The following SLC44A1 variants were observed in gnomAD, a reference collection of about 807,000 sequenced individuals.
The protein encoded by SLC44A1 is solute carrier family 44 member 1, also known as choline transporter-like protein 1.
Under a neutral mutation model 79.3 loss-of-function variants are expected in SLC44A1, and 26 were observed. That is an observed-to-expected ratio of 0.33 (90% CI 0.24 to 0.46). The LOEUF is 0.46. Among genes scored for constraint, SLC44A1 ranks in the 20% least tolerant of loss-of-function variants. SLC44A1 has a pLI of 1.00. For synonymous variants in SLC44A1, 263 were observed against 286.2 expected (o/e 0.92, Z 0.82); for missense variants, 688 against 798.1 (o/e 0.86, Z 1.66).
At chr9:105,342,189 C>G (rs1827114594) in intron 4 of SLC44A1, among the ~76,000 whole-genome samples, 1 of 152,190 alleles carries the variant, frequency 6.6e-6, no homozygotes, top group African/African-American at 2.4e-5. Flanking sequence ...CAATTGCAGT[C>G]TGAAAATATT....
At chr9:105,347,574 A>C (rs1827278764) in intron 4 of SLC44A1, among the ~76,000 whole-genome samples, 1 of 152,034 alleles carries the variant, frequency 6.6e-6, no homozygotes, top group Non-Finnish European at 1.5e-5. Flanking sequence ...GTTATAGTAA[A>C]TTATATAACA....
chr9:105,315,340 A>G (rs960288617), intron 3 of SLC44A1, among the ~76,000 whole-genome samples: 4 of 148,960 alleles, frequency 2.7e-5, no homozygotes, highest in African/African-American at 5.1e-5. Context: ...TCAAATTGAT[A>G]GTAGGGTTTT....
intron 1 of SLC44A1, among the ~76,000 whole-genome samples, chr9:105,246,316 G>C (rs896893781): frequency 7.3e-5 from 11 of 151,652 alleles, no homozygotes; most frequent in African/African-American, 2.7e-4. Flanking sequence ...AATTGCAGAT[G>C]AATGGGGGAC....
At chr9:105,253,596 T>G (rs867409627) in intron 1 of SLC44A1, among the ~76,000 whole-genome samples, 5 of 152,072 alleles carry the variant, frequency 3.3e-5, no homozygotes, top group African/African-American at 9.7e-5. Context: ...CCAGGTATGG[T>G]GTCGTGTGCT....
chr9:105,299,444 T>C (rs1830818691), intron 2 of SLC44A1, 135 bp downstream of exon 2: 8 of 578,052 alleles, frequency 1.4e-5, no homozygotes, highest in Non-Finnish European at 2.2e-5. Flanking sequence ...ACTCTTGATT[T>C]GTTTTTCTAC....
intron 1 of SLC44A1, among the ~76,000 whole-genome samples, chr9:105,273,280 C>G (rs1830119642): frequency 6.6e-6 from 1 of 152,204 alleles, no homozygotes; most frequent in Non-Finnish European, 1.5e-5. Context: ...GCATGGGCCA[C>G]TGCGCCCAGC....
In SLC44A1 at chr9:105,396,520, A is replaced by T. The variant is rs543522823; in HGVS notation, c.*7464A>T. ...CTAGAATAATAAGGCGGCCAAATTTAAAGATCAGTCAATACAGTAGGGACC... is the reference window on the plus strand; with the variant it reads ...CTAGAATAATAAGGCGGCCAAATTTTAAGATCAGTCAATACAGTAGGGACC... On this transcript the variant is annotated 3_prime_UTR_variant, in exon 16 of 16. Coordinates refer to ENST00000374720, the MANE Select transcript of SLC44A1 (RefSeq NM_080546.5). 2.0e-6 allele frequency: 2 copies of T among 985,440 alleles called. No individual in the cohort carries two copies. Among genetic ancestry groups the T allele is most frequent in the African/African-American group, 3.5e-5 (2 of 57,360 alleles). The allele number at this position is 985,440 out of a possible 1,614,324, so 61.0% of individuals were successfully genotyped here.
intron 5 of SLC44A1, among the ~76,000 whole-genome samples, chr9:105,349,443 A>G (rs1827337563): frequency 6.6e-6 from 1 of 152,256 alleles, no homozygotes; most frequent in South Asian, 2.1e-4. Flanking sequence ...GAAAAAAGAT[A>G]TATCAGTTAA....
Position 105,391,935 on chromosome 9 carries a change from G to A in SLC44A1, c.*2879G>A, listed in dbSNP as rs956175935. ...CTATTGTCAATTGTAGTAGTGACCAGAGTATCGTGGTTTTTGCCATCAGAT... is the reference window on the plus strand; with the variant it reads ...CTATTGTCAATTGTAGTAGTGACCAAAGTATCGTGGTTTTTGCCATCAGAT... On this transcript the variant is annotated 3_prime_UTR_variant, in exon 16 of 16. Coordinates refer to ENST00000374720, the MANE Select transcript of SLC44A1 (RefSeq NM_080546.5). 2 of 985,112 alleles carry A rather than the reference G, an allele frequency of 2.0e-6. No individual in the cohort carries two copies. Among genetic ancestry groups the A allele is most frequent in the African/African-American group, 3.5e-5 (2 of 57,222 alleles). 61.0% of individuals were successfully genotyped at this position (985,112 alleles called of 1,614,324 possible). A position where few individuals can be genotyped will look rare whatever the true frequency, so the allele number is the denominator to read the frequency against.
At chr9:105,397,959 A>G (rs1828907495), downstream of SLC44A1, among the ~76,000 whole-genome samples, 5 of 151,522 alleles carry the variant, frequency 3.3e-5, no homozygotes, top group Admixed American at 2.6e-4. Flanking sequence ...GAAAAAAAAA[A>G]AAAAGAAAAA....
chr9:105,361,054 T>C (rs1827763215), intron 7 of SLC44A1, 137 bp from the exon 8 acceptor site: 1 of 810,716 alleles, frequency 1.2e-6, no homozygotes, highest in East Asian at 2.6e-5. Context: ...GTTATAGCTA[T>C]GTACTTCCCA....
At chr9:105,317,228 G>T (rs376512214) in intron 3 of SLC44A1, among the ~76,000 whole-genome samples, 1 of 152,166 alleles carries the variant, frequency 6.6e-6, no homozygotes, top group African/African-American at 2.4e-5. Flanking sequence ...TCTCAGTCTT[G>T]AATCTCTCTG....
chr9:105,364,497 C>A (rs1033765759), intron 9 of SLC44A1, 58 bp from the exon 10 acceptor site: 1 of 1,488,312 alleles, frequency 6.7e-7, no homozygotes, highest in Non-Finnish European at 9.2e-7. Flanking sequence ...ACTTAACTGC[C>A]GTATTTCTGG....
At chr9:105,280,493 T>C (rs894951340) in intron 1 of SLC44A1, among the ~76,000 whole-genome samples, 2 of 152,214 alleles carry the variant, frequency 1.3e-5, no homozygotes, top group Admixed American at 1.3e-4. Context: ...ACATAGACCA[T>C]AGTATAAATA....
Position 105,394,777 on chromosome 9 carries a change from T to C in SLC44A1, c.*5721T>C. The C allele has an allele frequency of 3.0e-6, 3 of 985,424 alleles. No homozygotes were observed. The highest frequency in any genetic ancestry group is 3.6e-6 in the Non-Finnish European group (3 of 829,934). The allele number at this position is 985,424 out of a possible 1,614,324, so 61.0% of individuals were successfully genotyped here. ...GGTAGAAAGTTGGAGGAGCAGATGC[T>C]GAAGGTAGAAATGCAAAAGATGTTT... On this transcript the variant is annotated 3_prime_UTR_variant, in exon 16 of 16. Transcript: ENST00000374720.
chr9:105,437,889 T>C (rs968838992), intron 15 of SLC44A1, among the ~76,000 whole-genome samples: 8 of 152,210 alleles, frequency 5.3e-5, no homozygotes, highest in Non-Finnish European at 1.0e-4. Context: ...AACCTCTTTG[T>C]CAAAGAACAA....
intron 2 of SLC44A1, among the ~76,000 whole-genome samples, chr9:105,300,776 A>C (rs965083984): frequency 4.9e-5 from 7 of 143,242 alleles, no homozygotes; most frequent in Admixed American, 1.4e-4. Flanking sequence ...TGGAGAAAAA[A>C]AATTTTTTTT....
intron 4 of SLC44A1, among the ~76,000 whole-genome samples, chr9:105,337,977 A>T (rs1476138098): frequency 1.3e-5 from 2 of 152,222 alleles, no homozygotes; most frequent in African/African-American, 4.8e-5. Flanking sequence ...GGTGCTCAAG[A>T]TGTATTAATG....
intron 4 of SLC44A1, among the ~76,000 whole-genome samples, chr9:105,341,335 CAAAAAAAA>C (rs529318721): frequency 1.5e-5 from 1 of 65,236 alleles, no homozygotes; most frequent in African/African-American, 4.5e-5. Context: ...AACTTCGTCT[CAAAAAAAA>C]AAAAAAAAGA....
Sources: gnomAD v4.1 joint callset for allele counts (sites outside exome capture counted in the v4.1 genomes callset) on GRCh38, gnomAD v4.1.1 for gene constraint, MANE v1.5 for transcripts, NCBI Gene and HGNC (gene_info 2026-07-23, HGNC 2026-07-21) for gene names.